ATP8A2: variants seen among roughly 807,000 people sequenced by gnomAD.
The protein encoded by ATP8A2 is ATPase phospholipid transporting 8A2.
Under a neutral mutation model 165.6 loss-of-function variants are expected in ATP8A2, and 100 were observed. The observed-to-expected ratio is 0.60, with a 90% CI of 0.51 to 0.71. ATP8A2 has a LOEUF of 0.71. Ranked by LOEUF, ATP8A2 falls within the 30% of genes least tolerant of loss-of-function variation. ATP8A2 has a pLI of 0.00. For synonymous variants in ATP8A2, 543 were observed against 548.8 expected (o/e 0.99, Z 0.15); for missense variants, 1,227 against 1,479.5 (o/e 0.83, Z 2.80).
intron 6 of ATP8A2, among the ~76,000 whole-genome samples, chr13:25,537,493 A>G (rs752936956): frequency 6.6e-6 from 1 of 152,188 alleles, no homozygotes; most frequent in Admixed American, 6.5e-5. Context: ...TAGTCACTCT[A>G]TGAAATATGT....
chr13:25,505,206 G>T (rs909992182), intron 2 of ATP8A2, among the ~76,000 whole-genome samples: 2 of 141,740 alleles, frequency 1.4e-5, no homozygotes, highest in Admixed American at 1.5e-4. Flanking sequence ...GCGGGGCGGG[G>T]GGGGGTGGTG....
At chr13:25,706,326 A>G (rs2043054578) in intron 25 of ATP8A2, among the ~76,000 whole-genome samples, 1 of 152,194 alleles carries the variant, frequency 6.6e-6, no homozygotes, top group Admixed American at 6.5e-5. Flanking sequence ...ACGTCAGGTC[A>G]GTCTTCCAGC....
chr13:25,499,710 A>T (rs1033166630), intron 2 of ATP8A2, among the ~76,000 whole-genome samples: 3 of 152,170 alleles, frequency 2.0e-5, no homozygotes, highest in Non-Finnish European at 2.9e-5. Flanking sequence ...CCAGTGTACT[A>T]TTTTATTTAA....
At chr13:25,905,203 C>T (rs746286829) in intron 33 of ATP8A2, among the ~76,000 whole-genome samples, 10 of 152,106 alleles carry the variant, frequency 6.6e-5, no homozygotes, top group Non-Finnish European at 8.8e-5. Context: ...GCCTCTACTA[C>T]TCTCTCTTTC....
chr13:25,531,108 TG>T (rs1466983259), intron 4 of ATP8A2, among the ~76,000 whole-genome samples: 1 of 148,736 alleles, frequency 6.7e-6, no homozygotes, highest in East Asian at 1.9e-4. Context: ...TTTCTTGCTC[TG>T]TCTCCCCCTA....
intron 35 of ATP8A2, among the ~76,000 whole-genome samples, chr13:26,010,141 C>T (rs1233211921): frequency 2.0e-5 from 3 of 152,194 alleles, no homozygotes; most frequent in Admixed American, 6.5e-5. Flanking sequence ...GGCATCTAGG[C>T]GGCGTCTGCC....
intron 25 of ATP8A2, among the ~76,000 whole-genome samples, chr13:25,760,257 A>G (rs906077089): frequency 1.4e-4 from 21 of 152,362 alleles, no homozygotes; most frequent in African/African-American, 4.8e-4. Context: ...CAATGCTCAT[A>G]GGATGTTGAA....
At chr13:25,890,567 T>A (rs1953326519) in intron 33 of ATP8A2, among the ~76,000 whole-genome samples, 1 of 152,242 alleles carries the variant, frequency 6.6e-6, no homozygotes, top group Non-Finnish European at 1.5e-5. Flanking sequence ...TTAGTCCATT[T>A]GTAACTAAAG....
intron 24 of ATP8A2, among the ~76,000 whole-genome samples, chr13:25,605,711 G>GGTTT: frequency 6.6e-6 from 1 of 152,104 alleles, no homozygotes; most frequent in South Asian, 2.1e-4. Flanking sequence ...CAACTAATAT[G>GGTTT]TAGCTGCAGC....
chr13:25,376,116 A>AC (rs1455047058), intron 1 of ATP8A2, among the ~76,000 whole-genome samples: 4 of 151,474 alleles, frequency 2.6e-5, no homozygotes, highest in Non-Finnish European at 5.9e-5. Context: ...TTACAAATGA[A>AC]AAAAAAATTC....
intron 34 of ATP8A2, among the ~76,000 whole-genome samples, chr13:25,967,273 G>A (rs1955799982): frequency 6.6e-6 from 1 of 152,194 alleles, no homozygotes; most frequent in Admixed American, 6.5e-5. Flanking sequence ...ACTGTTTGAT[G>A]GAATTAAGTA....
At chr13:25,927,940 C>T (rs1302519852) in intron 33 of ATP8A2, among the ~76,000 whole-genome samples, 1 of 152,250 alleles carries the variant, frequency 6.6e-6, no homozygotes, top group Non-Finnish European at 1.5e-5. Flanking sequence ...AAGCAGAACA[C>T]CCACATTTGG....
intron 3 of ATP8A2, among the ~76,000 whole-genome samples, 154 bp from the exon 4 acceptor site, chr13:25,530,408 C>T (rs1224653086): frequency 6.6e-6 from 1 of 152,048 alleles, no homozygotes; most frequent in East Asian, 1.9e-4. Flanking sequence ...ATGTAAAATA[C>T]GTAGCTAGTT....
At chr13:25,756,716 C>T (rs1016575404) in intron 25 of ATP8A2, among the ~76,000 whole-genome samples, 1 of 152,188 alleles carries the variant, frequency 6.6e-6, no homozygotes, top group African/African-American at 2.4e-5. Context: ...CTTAGGATTA[C>T]AGCAGCCAAT....
At chr13:26,000,917 A>C (rs988087834) in intron 35 of ATP8A2, among the ~76,000 whole-genome samples, 1 of 152,212 alleles carries the variant, frequency 6.6e-6, no homozygotes, top group Non-Finnish European at 1.5e-5. Context: ...ATAGTTTGCC[A>C]TACATGGCAG....
intron 25 of ATP8A2, among the ~76,000 whole-genome samples, chr13:25,728,006 A>T (rs3132366): frequency 0.038 from 5,817 of 152,228 alleles, 175 homozygotes; most frequent in East Asian, 0.12. Flanking sequence ...CGCTTCTCAG[A>T]TCCCAAGCTC....
At chr13:25,642,964 C>CA (rs1198766622) in intron 24 of ATP8A2, among the ~76,000 whole-genome samples, 5 of 151,420 alleles carry the variant, frequency 3.3e-5, no homozygotes, top group Non-Finnish European at 7.4e-5. Context: ...ATAGCAAGGA[C>CA]AAAAAACCAA....
intron 1 of ATP8A2, among the ~76,000 whole-genome samples, chr13:25,399,397 CTTT>C (rs71077467): frequency 3.4e-4 from 25 of 74,054 alleles, no homozygotes; most frequent in African/African-American, 1.1e-3. Context: ...AGTGGTTCTT[CTTT>C]TTTTTTTTTT....
intron 24 of ATP8A2, among the ~76,000 whole-genome samples, chr13:25,621,519 T>C (rs1434725510): frequency 6.6e-6 from 1 of 152,120 alleles, no homozygotes; most frequent in East Asian, 1.9e-4. Context: ...CTGCAGAGAC[T>C]TTTTTTATCA....
Sources: allele counts gnomAD v4.1 joint callset (sites outside exome capture counted in the v4.1 genomes callset), GRCh38; gene constraint gnomAD v4.1.1; transcripts MANE v1.5; gene names NCBI Gene and HGNC (gene_info 2026-07-23, HGNC 2026-07-21).